ZFHX3: variants seen among roughly 807,000 people sequenced by gnomAD.
ZFHX3 encodes zinc finger homeobox 3.
ZFHX3 carries 42 observed loss-of-function variants against 279.1 expected under a neutral mutation model. The observed-to-expected ratio is 0.15, with a 90% CI of 0.12 to 0.19. The LOEUF (loss-of-function observed/expected upper bound fraction) is 0.19. Ranked by LOEUF, ZFHX3 falls within the 10% of genes least tolerant of loss-of-function variation. ZFHX3 has a pLI of 1.00. For missense variants in ZFHX3, 4,981 were observed against 4,754.0 expected, an observed-to-expected ratio of 1.05 and a Z score of -1.40; for synonymous variants, 2,293 against 1,957.8, an observed-to-expected ratio of 1.17 and a Z score of -4.52.
upstream of ZFHX3, among the ~76,000 whole-genome samples, chr16:73,064,327 AT>A (rs1403625861): frequency 2.5e-4 from 38 of 151,968 alleles, no homozygotes. Context: ...AATCACCCCG[AT>A]TTTAGCTTCT....
At chr16:73,639,488 T>C (rs922142793) in intron 2 of ZFHX3, among the ~76,000 whole-genome samples, 1 of 152,058 alleles carries the variant, frequency 6.6e-6, no homozygotes, top group Admixed American at 6.6e-5. Flanking sequence ...GAGAGCAGAG[T>C]GGTTTTAATC....
intron 2 of ZFHX3, among the ~76,000 whole-genome samples, chr16:73,519,534 C>T (rs2019577493): frequency 6.6e-6 from 1 of 152,090 alleles, no homozygotes; most frequent in African/African-American, 2.4e-5. Context: ...GAGCTTTGTA[C>T]CTTGGTTGAT....
chr16:73,000,180 C>T (rs2144593280), intron 1 of ZFHX3, among the ~76,000 whole-genome samples: 2 of 152,292 alleles, frequency 1.3e-5, no homozygotes, highest in Middle Eastern at 3.4e-3. Flanking sequence ...TCTGTCAACA[C>T]CAGGCTCGGC....
chr16:73,166,986 A>G (rs975479947), intron 5 of ZFHX3, among the ~76,000 whole-genome samples: 1 of 152,204 alleles, frequency 6.6e-6, no homozygotes, highest in South Asian at 2.1e-4. Context: ...ATTTCCCCGA[A>G]TGAGATCAGT....
Position 73,304,770 on chromosome 16 carries a change from C to CG in ZFHX3, c.-1194+13469_-1194+13470insC, listed in dbSNP as rs112717205. Among the ~76,000 whole-genome samples the CG allele has an allele frequency of 2.3e-3, 354 of 152,282 alleles. 1 individual carries two copies. Among genetic ancestry groups the CG allele is most frequent in the African/African-American group, 7.9e-3 (327 of 41,546 alleles). On this transcript the variant is annotated intron_variant, in intron 4 of 17. Transcript: ENST00000641206. ...TCTGTAAGGAGCCTGCTTCCTGAGCCCACCGCCTGACCTCTCTAAGAGCAG... is the reference window on the plus strand; with the variant it reads ...TCTGTAAGGAGCCTGCTTCCTGAGCCGCACCGCCTGACCTCTCTAAGAGCAG...
intron 5 of ZFHX3, among the ~76,000 whole-genome samples, chr16:73,210,777 T>C (rs1017520969): frequency 1.3e-5 from 2 of 152,086 alleles, no homozygotes; most frequent in African/African-American, 2.4e-5. Context: ...ACAAGAGAGA[T>C]GGCAGACAAG....
At chr16:73,720,024 T>C (rs1359080699) in intron 1 of ZFHX3, among the ~76,000 whole-genome samples, 2 of 152,192 alleles carry the variant, frequency 1.3e-5, no homozygotes, top group African/African-American at 4.8e-5. Context: ...GAGTAACCCA[T>C]AGAATAACAG....
intron 4 of ZFHX3, among the ~76,000 whole-genome samples, chr16:73,266,338 T>A (rs995202529): frequency 6.6e-6 from 1 of 152,228 alleles, no homozygotes; most frequent in African/African-American, 2.4e-5. Context: ...AATATTTAGT[T>A]TCTATTTAGT....
At chr16:73,185,734 A>G (rs570125619) in intron 5 of ZFHX3, among the ~76,000 whole-genome samples, 11 of 152,200 alleles carry the variant, frequency 7.2e-5, no homozygotes, top group Non-Finnish European at 1.3e-4. Context: ...TAATGACACG[A>G]GATGAAATTA....
At chr16:73,068,274 A>G (rs141405484) in intron 8 of ZFHX3, among the ~76,000 whole-genome samples, 50 of 152,312 alleles carry the variant, frequency 3.3e-4, no homozygotes, top group African/African-American at 9.1e-4. Context: ...GTTGCCTCTC[A>G]TCAAGGTCAG....
chr16:73,554,605 G>T (rs1481299540), intron 2 of ZFHX3: 1 of 152,156 alleles, frequency 6.6e-6, no homozygotes, highest in Non-Finnish European at 1.5e-5. Flanking sequence ...TAGTTATTAA[G>T]ATTCCTTTTA....
intron 4 of ZFHX3, among the ~76,000 whole-genome samples, chr16:72,844,983 G>A (rs1026560570): frequency 1.3e-5 from 2 of 152,108 alleles, no homozygotes; most frequent in Non-Finnish European, 2.9e-5. Flanking sequence ...AGACAGAACT[G>A]AAGGTGAACA....
At chr16:73,556,956 A>G (rs1000304231) in intron 2 of ZFHX3, among the ~76,000 whole-genome samples, 3 of 151,804 alleles carry the variant, frequency 2.0e-5, no homozygotes, top group Admixed American at 6.6e-5. Flanking sequence ...TTAGCTGGGC[A>G]TGGTGGTGGG....
chr16:73,039,986 G>A (rs1965052020), intron 1 of ZFHX3, among the ~76,000 whole-genome samples: 1 of 152,162 alleles, frequency 6.6e-6, no homozygotes, highest in African/African-American at 2.4e-5. Context: ...AACTATAATC[G>A]CTTTGTCGCC....
intron 1 of ZFHX3, among the ~76,000 whole-genome samples, chr16:73,040,333 G>A (rs1041646769): frequency 1.3e-5 from 2 of 151,940 alleles, no homozygotes; most frequent in Non-Finnish European, 2.9e-5. Context: ...AGCCAGGCTG[G>A]GAGGCCGAGC....
chr16:73,112,372 C>T (rs1302825723), intron 7 of ZFHX3, among the ~76,000 whole-genome samples: 1 of 151,838 alleles, frequency 6.6e-6, no homozygotes, highest in Non-Finnish European at 1.5e-5. Context: ...GTCCTAGTCT[C>T]ATAAATTAAA....
chr16:73,735,910 T>TG (rs1209625444), intron 1 of ZFHX3, among the ~76,000 whole-genome samples: 3,191 of 150,906 alleles, frequency 0.021, 164 homozygotes, highest in African/African-American at 0.073. Context: ...TTTTTTTTTT[T>TG]TTTTTTAATG....
intron 1 of ZFHX3, among the ~76,000 whole-genome samples, chr16:73,697,322 T>G (rs8059674): frequency 0.89 from 134,672 of 152,062 alleles, 60,969 homozygotes; most frequent in East Asian, 1. Flanking sequence ...ACAAAGTTTT[T>G]GAAAATAAAG....
At chr16:73,840,150 T>C (rs1000653467) in intron 1 of ZFHX3, among the ~76,000 whole-genome samples, 9 of 152,112 alleles carry the variant, frequency 5.9e-5, no homozygotes, top group Non-Finnish European at 1.2e-4. Flanking sequence ...AAGTAATGTA[T>C]GACCCTAATG....
Sources: allele counts gnomAD v4.1 joint callset (sites outside exome capture counted in the v4.1 genomes callset), GRCh38; gene constraint gnomAD v4.1.1; transcripts MANE v1.5; gene names NCBI Gene and HGNC (gene_info 2026-07-23, HGNC 2026-07-21).